Variants in DYRK1A observed in about 807,000 individuals in gnomAD.
DYRK1A encodes the protein dual specificity tyrosine-phosphorylation-regulated kinase 1A.
DYRK1A carries 9 observed loss-of-function variants against 79.7 expected under a neutral mutation model. The ratio of observed to expected loss-of-function variants is 0.11; its 90% CI spans 0.07 to 0.20. The LOEUF (loss-of-function observed/expected upper bound fraction) is 0.20, where lower values mean the gene tolerates loss of function less well. DYRK1A is among the 10% of genes least tolerant of loss of function. The pLI, the probability that DYRK1A is intolerant of heterozygous loss-of-function variation, is 1.00. For missense variants in DYRK1A, 622 were observed against 956.0 expected (o/e 0.65, Z 4.61); for synonymous variants, 349 against 329.7 (o/e 1.06, Z -0.63).
At chr21:37,493,999 G>A (rs961249204) in intron 8 of DYRK1A, among the ~76,000 whole-genome samples, 1 of 144,354 alleles carries the variant, frequency 6.9e-6, no homozygotes, top group African/African-American at 2.6e-5. Context: ...GGAGTATAGT[G>A]GGGCAATCTT....
chr21:37,395,581 TCTCTC>T (rs2049946095), intron 1 of DYRK1A, among the ~76,000 whole-genome samples: 1 of 152,186 alleles, frequency 6.6e-6, no homozygotes, highest in Non-Finnish European at 1.5e-5. Context: ...AAATTAAATT[TCTCTC>T]CTGGGGATGG....
intron 2 of DYRK1A, among the ~76,000 whole-genome samples, chr21:37,451,511 C>T (rs1166086790): frequency 1.3e-5 from 2 of 152,060 alleles, no homozygotes; most frequent in South Asian, 2.1e-4. Context: ...TACAGTTGCC[C>T]TCATTATTCA....
Position 37,457,037 on chromosome 21 carries a change from C to CTTACTTACTTACTTAT in DYRK1A, c.11-15644_11-15643insCTTACTTACTTATTTA, listed in dbSNP as rs1035437095. Among the ~76,000 whole-genome samples, 346 of 59,212 alleles carry CTTACTTACTTACTTAT rather than the reference C, an allele frequency of 5.8e-3. 2 individuals are homozygous for CTTACTTACTTACTTAT. Among genetic ancestry groups the CTTACTTACTTACTTAT allele is most frequent in the African/African-American group, 0.014 (208 of 15,134 alleles). The allele number at this position is 59,212 out of a possible 152,430, so 38.8% of individuals were successfully genotyped here. ...ATTTACTTACTTACTTACTTACTTA[C>CTTACTTACTTACTTAT]TTATTTATTTATTTATTTATTTATT... On this transcript the variant is annotated intron_variant, in intron 2 of 11. Transcript: ENST00000647188.
In DYRK1A at chr21:37,513,617, A is replaced by G. The variant is rs2053823157; in HGVS notation, c.*1086A>G. The stretch of plus-strand genomic sequence containing the variant: ...GTGGTTTGCTTTGATGGAAATAGCT[A>G]CAGCTGTGTCCCTTCCTGCTTTTTA... On this transcript the variant is annotated 3_prime_UTR_variant, in exon 12 of 12. Coordinates refer to ENST00000647188, the MANE Select transcript of DYRK1A (RefSeq NM_001347721.2). 1 of 152,632 alleles carries G rather than the reference A, an allele frequency of 6.6e-6. No homozygotes were observed. The highest frequency in any genetic ancestry group is 1.5e-5 in the Non-Finnish European group (1 of 68,024). The allele number at this position is 152,632 out of a possible 1,614,324, so 9.5% of individuals were successfully genotyped here. A position where few individuals can be genotyped will look rare whatever the true frequency, so the allele number is the denominator to read the frequency against.
Position 37,516,341 on chromosome 21 carries a change from TCTGTTGACCAGA to T in DYRK1A, c.*3812_*3823del, listed in dbSNP as rs2053880399. ...ATTTCTTAAAAATCTGCTAGGGATG[TCTGTTGACCAGA>T]CGTTGGAAAACCTTTGGTGTCAGGG... On this transcript the variant is annotated 3_prime_UTR_variant, in exon 12 of 12. Coordinates refer to ENST00000647188, the MANE Select transcript of DYRK1A (RefSeq NM_001347721.2). 6.6e-6 allele frequency: 1 copy of T among 152,216 alleles called. No homozygotes were observed. Among genetic ancestry groups the T allele is most frequent in the Admixed American group, 6.5e-5 (1 of 15,284 alleles). 9.4% of individuals were successfully genotyped at this position (152,216 alleles called of 1,614,324 possible). A position where few individuals can be genotyped will look rare whatever the true frequency, so the allele number is the denominator to read the frequency against.
intron 1 of DYRK1A, among the ~76,000 whole-genome samples, chr21:37,369,672 G>C (rs2211838): frequency 0.13 from 19,890 of 152,182 alleles, 1,379 homozygotes; most frequent in African/African-American, 0.16. Flanking sequence ...TTGTGTTTGC[G>C]CCATGAAGGC....
chr21:37,459,196 C>G (rs947649427), intron 2 of DYRK1A, among the ~76,000 whole-genome samples: 2 of 152,176 alleles, frequency 1.3e-5, no homozygotes, highest in Non-Finnish European at 2.9e-5. Flanking sequence ...GGCTTACCAT[C>G]TTTGATGGAC....
chr21:37,400,898 A>C (rs552290186), intron 1 of DYRK1A, among the ~76,000 whole-genome samples: 95 of 152,262 alleles, frequency 6.2e-4, no homozygotes, highest in African/African-American at 1.9e-3. Context: ...TAATCCCAGC[A>C]CTTTGGGAGG....
intron 1 of DYRK1A, among the ~76,000 whole-genome samples, chr21:37,378,905 C>T (rs2049601850): frequency 6.6e-6 from 1 of 152,070 alleles, no homozygotes; most frequent in African/African-American, 2.4e-5. Context: ...GGGACTGGGT[C>T]TCGATCTTGA....
At chr21:37,509,738 T>C (rs942554324) in intron 11 of DYRK1A, among the ~76,000 whole-genome samples, 1 of 152,248 alleles carries the variant, frequency 6.6e-6, no homozygotes, top group Non-Finnish European at 1.5e-5. Context: ...CCCTATTTAT[T>C]AATGGACATT....
At chr21:37,389,619 C>T (rs11702026) in intron 1 of DYRK1A, among the ~76,000 whole-genome samples, 11,822 of 152,112 alleles carry the variant, frequency 0.078, 694 homozygotes, top group Non-Finnish European at 0.12. Flanking sequence ...TTGATGTTGG[C>T]AGCTTTCCTC....
chr21:37,373,873 C>T (rs1490135681), intron 1 of DYRK1A, among the ~76,000 whole-genome samples: 2 of 152,102 alleles, frequency 1.3e-5, no homozygotes, highest in South Asian at 2.1e-4. Flanking sequence ...TGTTACACTT[C>T]AAAATGTTTT....
chr21:37,494,016 C>T lies in DYRK1A; in HGVS notation c.1071+853C>T, dbSNP rs182199566. 5.3e-3 allele frequency among the ~76,000 whole-genome samples: 791 copies of T among 148,914 alleles called. 4 individuals carry two copies. Among genetic ancestry groups the T allele is most frequent in the Non-Finnish European group, 7.8e-3 (523 of 67,466 alleles). ...AGTATAGTGGGGCAATCTTGGCTCC[C>T]GAGTAGCTGGAATTACAGGCAAGCG... On this transcript the variant is annotated intron_variant, in intron 8 of 11. Transcript: ENST00000647188.
intron 7 of DYRK1A, among the ~76,000 whole-genome samples, chr21:37,491,257 ACTC>A (rs1479863260): frequency 3.9e-5 from 6 of 152,018 alleles, no homozygotes; most frequent in Non-Finnish European, 7.4e-5. Context: ...TATGAAAACT[ACTC>A]TAACAGCATT....
rs1166871982 is a variant in DYRK1A at position 37,519,863 on chromosome 21, T to A, written c.*7332T>A. On this transcript the variant is annotated 3_prime_UTR_variant, in exon 12 of 12. Coordinates refer to ENST00000647188, the MANE Select transcript of DYRK1A (RefSeq NM_001347721.2). ...TTCACGCCATTCGCCTGCCTCAGCC[T>A]CCAGAGTAGCTGGGACTACTGGCGC... 6.7e-6 allele frequency: 1 copy of A among 150,022 alleles called. No individual in the cohort carries two copies. Among genetic ancestry groups the A allele is most frequent in the Non-Finnish European group, 1.5e-5 (1 of 67,698 alleles). 9.3% of individuals were successfully genotyped at this position (150,022 alleles called of 1,614,324 possible).
chr21:37,508,525 T>C (rs1439143415), intron 11 of DYRK1A, among the ~76,000 whole-genome samples: 1 of 152,200 alleles, frequency 6.6e-6, no homozygotes, highest in African/African-American at 2.4e-5. Flanking sequence ...GACCTCAGGT[T>C]ATCTGGCCAT....
intron 1 of DYRK1A, among the ~76,000 whole-genome samples, chr21:37,405,746 G>A (rs572343579): frequency 6.6e-6 from 1 of 152,158 alleles, no homozygotes; most frequent in East Asian, 1.9e-4. Context: ...ATGGTGTATG[G>A]TGTGTGCGTA....
At chr21:37,425,311 A>C (rs2050587995) in intron 2 of DYRK1A, among the ~76,000 whole-genome samples, 1 of 152,252 alleles carries the variant, frequency 6.6e-6, no homozygotes, top group Non-Finnish European at 1.5e-5. Flanking sequence ...GCCTAAAAAT[A>C]AGTATATTAA....
At chr21:37,508,624 C>T (rs941491241) in intron 11 of DYRK1A, among the ~76,000 whole-genome samples, 4 of 144,114 alleles carry the variant, frequency 2.8e-5, no homozygotes. Flanking sequence ...ACTTGCCCTT[C>T]TACCTGAAGT....
Sources: gnomAD v4.1 joint callset for allele counts (sites outside exome capture counted in the v4.1 genomes callset) on GRCh38, gnomAD v4.1.1 for gene constraint, MANE v1.5 for transcripts, NCBI Gene and HGNC (gene_info 2026-07-23, HGNC 2026-07-21) for gene names.